RBFOX1: variants seen among roughly 807,000 people sequenced by gnomAD.
RBFOX1 encodes the protein RNA binding fox-1 homolog 1.
Under a neutral mutation model 57.7 loss-of-function variants are expected in RBFOX1, and 8 were observed. That is an observed-to-expected ratio of 0.14 (90% CI 0.08 to 0.25). RBFOX1 has a LOEUF of 0.25. RBFOX1 is among the 10% of genes least tolerant of loss of function. The probability of loss-of-function intolerance (pLI) is 1.00; values close to 1 mark genes in which losing one functional copy is unlikely to be tolerated. For synonymous variants in RBFOX1, 326 were observed against 222.4 expected (o/e 1.47, Z -4.15); for missense variants, 611 against 548.5 (o/e 1.11, Z -1.14).
intron 5 of RBFOX1, among the ~76,000 whole-genome samples, chr16:7,559,184 C>A (rs972247163): frequency 2.0e-5 from 3 of 152,156 alleles, no homozygotes; most frequent in African/African-American, 7.2e-5. Flanking sequence ...GGTTTGTAAT[C>A]TCAAATTCAA....
chr16:7,011,664 C>A (rs1170209892), intron 3 of RBFOX1, among the ~76,000 whole-genome samples: 3 of 152,124 alleles, frequency 2.0e-5, no homozygotes, highest in African/African-American at 7.2e-5. Context: ...CAGGTGCCTG[C>A]CACCATGCTC....
chr16:5,658,802 TATATATGTATATATA>T (rs1248689468), intron 3 of RBFOX1, among the ~76,000 whole-genome samples: 209 of 146,298 alleles, frequency 1.4e-3, no homozygotes, highest in African/African-American at 5.0e-3. Flanking sequence ...AATATATGTG[TATATATGTATATATA>T]ATATATGTAT....
intron 12 of RBFOX1, among the ~76,000 whole-genome samples, chr16:7,661,640 C>T (rs1312452946): frequency 2.0e-5 from 3 of 152,230 alleles, no homozygotes; most frequent in East Asian, 3.8e-4. Flanking sequence ...GTGTGTCCCA[C>T]TTCCTGTACA....
At chr16:6,151,958 G>C (rs1303960043) in intron 1 of RBFOX1, among the ~76,000 whole-genome samples, 1 of 152,194 alleles carries the variant, frequency 6.6e-6, no homozygotes, top group African/African-American at 2.4e-5. Flanking sequence ...CTTTAATATA[G>C]ACAACTCAAT....
At chr16:6,891,805 T>A (rs569231903) in intron 3 of RBFOX1, among the ~76,000 whole-genome samples, 4 of 152,146 alleles carry the variant, frequency 2.6e-5, no homozygotes, top group African/African-American at 9.7e-5. Flanking sequence ...AGAGCAAAGG[T>A]TGAGCCAGCC....
At chr16:7,338,102 T>G (rs1230432286) in intron 4 of RBFOX1, among the ~76,000 whole-genome samples, 5 of 152,228 alleles carry the variant, frequency 3.3e-5, no homozygotes, top group Non-Finnish European at 7.3e-5. Context: ...GCAGGTTTGT[T>G]ACATAGGTAA....
At chr16:7,597,966 G>C (rs898907038) in intron 9 of RBFOX1, among the ~76,000 whole-genome samples, 3 of 152,078 alleles carry the variant, frequency 2.0e-5, no homozygotes, top group Admixed American at 2.0e-4. Flanking sequence ...GTTATTTTGG[G>C]CTAGTTGAGA....
chr16:6,369,638 A>G (rs745320471), intron 2 of RBFOX1, among the ~76,000 whole-genome samples: 2 of 152,172 alleles, frequency 1.3e-5, no homozygotes, highest in East Asian at 3.9e-4. Context: ...TCTTTCCTTT[A>G]TAAGTTTTAA....
intron 3 of RBFOX1, among the ~76,000 whole-genome samples, chr16:6,986,116 A>G (rs1233707205): frequency 1.3e-5 from 2 of 151,660 alleles, no homozygotes; most frequent in South Asian, 4.1e-4. Flanking sequence ...GAAAAATTCT[A>G]AACATGAAAA....
intron 2 of RBFOX1, among the ~76,000 whole-genome samples, chr16:5,517,167 C>G (rs920327366): frequency 6.6e-6 from 1 of 152,066 alleles, no homozygotes; most frequent in African/African-American, 2.4e-5. Flanking sequence ...AGCAGAAACT[C>G]CATTAGGCTA....
At chr16:7,357,446 C>T (rs1232965508) in intron 4 of RBFOX1, among the ~76,000 whole-genome samples, 1 of 152,080 alleles carries the variant, frequency 6.6e-6, no homozygotes, top group African/African-American at 2.4e-5. Context: ...TGGAACCATC[C>T]AGGTTTTTTC....
At chr16:5,790,720 G>T (rs542452866) in intron 3 of RBFOX1, among the ~76,000 whole-genome samples, 2 of 152,256 alleles carry the variant, frequency 1.3e-5, no homozygotes, top group African/African-American at 4.8e-5. Flanking sequence ...AGATGAGAGT[G>T]AGTGTGGAAT....
chr16:7,297,223 C>A (rs986386793), intron 4 of RBFOX1, among the ~76,000 whole-genome samples: 5 of 152,200 alleles, frequency 3.3e-5, no homozygotes, highest in African/African-American at 1.2e-4. Context: ...TTTTCCACAT[C>A]TTCCTGCTTT....
At chr16:6,622,740 A>G (rs1029970) in intron 2 of RBFOX1, among the ~76,000 whole-genome samples, 18,567 of 152,162 alleles carry the variant, frequency 0.12, 1,414 homozygotes, top group Middle Eastern at 0.25. Context: ...GTGTGCTTGT[A>G]TTTTTGTCTT....
Position 6,816,737 on chromosome 16 carries a change from C to CAA in RBFOX1, c.-16+162102_-16+162103dup, listed in dbSNP as rs1181907817. 9.4e-3 allele frequency among the ~76,000 whole-genome samples: 901 copies of CAA among 95,608 alleles called. 19 individuals carry two copies. The highest frequency in any genetic ancestry group is 0.031 in the African/African-American group (837 of 27,306). The allele number at this position is 95,608 out of a possible 152,430, so 62.7% of individuals were successfully genotyped here. ...CCTGGGTGACAGAGCAAGACTGTCT[C>CAA]AAAAAAAAAAAAAAAAGGAAGAAAA... On this transcript the variant is annotated intron_variant, in intron 3 of 15. Transcript: ENST00000550418.
chr16:7,430,474 A>G (rs994784026), intron 4 of RBFOX1, among the ~76,000 whole-genome samples: 9 of 152,144 alleles, frequency 5.9e-5, no homozygotes, highest in African/African-American at 2.2e-4. Context: ...ATCCTGGCTA[A>G]CAAGGTGAAA....
chr16:5,462,429 A>G (rs1415108104), intron 1 of RBFOX1, among the ~76,000 whole-genome samples: 1 of 152,008 alleles, frequency 6.6e-6, no homozygotes, highest in African/African-American at 2.4e-5. Context: ...CGGCCTCCCA[A>G]AGTGCTGGGA....
chr16:7,360,653 C>T (rs930636678), intron 4 of RBFOX1, among the ~76,000 whole-genome samples: 2 of 152,210 alleles, frequency 1.3e-5, no homozygotes, highest in East Asian at 3.9e-4. Flanking sequence ...CAAAGTTCCT[C>T]TCCCTTGCTT....
rs868415814 is a variant in RBFOX1 at position 5,707,585 on chromosome 16, A to G, written c.318+108624A>G. Reference sequence around the variant, plus strand: ...CATGCCTTCCCCCAACACTCCAGCTATAAGTACAATATTTAAAGGCACAGT... The same window carrying G: ...CATGCCTTCCCCCAACACTCCAGCTGTAAGTACAATATTTAAAGGCACAGT... On this transcript the variant is annotated intron_variant, in intron 3 of 19. Transcript: ENST00000641259. Among the ~76,000 whole-genome samples, 8 of 152,218 alleles carry G rather than the reference A, an allele frequency of 5.3e-5. No individual in the cohort carries two copies. In the South Asian group the frequency reaches 6.2e-4, roughly 12 times the overall value.
Sources: allele counts gnomAD v4.1 joint callset (sites outside exome capture counted in the v4.1 genomes callset), GRCh38; gene constraint gnomAD v4.1.1; transcripts MANE v1.5; gene names NCBI Gene and HGNC (gene_info 2026-07-23, HGNC 2026-07-21).